Variants in QRICH2 observed in about 807,000 individuals in gnomAD.
The protein encoded by QRICH2 is glutamine-rich protein 2.
In QRICH2, 119 loss-of-function variants were observed where a neutral mutation model predicts 168.3. The observed-to-expected ratio is 0.71, with a 90% confidence interval of 0.61 to 0.82. The LOEUF is 0.82. QRICH2 is among the 40% of genes least tolerant of loss of function. The pLI is 0.00. For synonymous variants in QRICH2, 894 were observed against 951.2 expected (o/e 0.94, Z 1.11); for missense variants, 2,241 against 2,491.6 (o/e 0.90, Z 2.14).
chr17:76,287,086 AC>A (rs2070901065), intron 7 of QRICH2, 105 bp downstream of exon 7: 4 of 334,418 alleles, frequency 1.2e-5, no homozygotes, highest in Admixed American at 3.7e-5. Context: ...ACACACACAC[AC>A]ATGATGGGAG....
chr17:76,277,868 C>T, intron 15 of QRICH2, 121 bp downstream of exon 15: 4 of 1,082,730 alleles, frequency 3.7e-6, no homozygotes, highest in Non-Finnish European at 5.4e-6. Flanking sequence ...TTCTCTCACA[C>T]ACACACACTC....
chr17:76,285,006 G>A (rs1230160645), intron 7 of QRICH2, among the ~76,000 whole-genome samples: 6 of 150,000 alleles, frequency 4.0e-5, no homozygotes, highest in Admixed American at 6.6e-5. Context: ...CCAGGCTGGC[G>A]TCCAGTGGCG....
At position 76,280,294 on chromosome 17, in the gene QRICH2, T is replaced by A; in HGVS notation, c.4619A>T (p.Asp1540Val). The A allele has an allele frequency of 6.2e-7, 1 of 1,614,132 alleles. No individual in the cohort carries two copies. The highest frequency in any genetic ancestry group is 1.1e-5 in the South Asian group (1 of 91,082). The change falls in exon 11 of 19, where the codon GAC (aspartate) becomes GTC (valine). Residue 1540 changes from aspartate (D) to valine (V), a missense_variant. Asp to Val is a radical substitution (Grantham distance 152). This residue lies in a region of QRICH2 where 2,047 missense variants were observed against 2,303.8 expected (regional missense o/e 0.89). Transcript: ENST00000680821. The surrounding 1 kb of genome is among the most constrained non-coding windows in gnomAD (Gnocchi z 7.4). ...GCCATGCCCCTGCCTCACCTTGTTG[T>A]CCATCTCTGTGAGCAGCCTGTCCAG... The part of the protein sequence containing the change: ...KMLDRLLTEM[D>V]NKLDRLELDP...
At chr17:76,305,086 G>A (rs1244407290) in intron 1 of QRICH2, 145 bp from the exon 2 acceptor site, 2 of 680,294 alleles carry the variant, frequency 2.9e-6, no homozygotes, top group African/African-American at 3.6e-5. Flanking sequence ...CTCAGTGCCA[G>A]GAGACGAGGA....
intron 7 of QRICH2, among the ~76,000 whole-genome samples, chr17:76,284,168 C>CAAAAAAAAAAAAAAAAAAAAA (rs61553346): frequency 2.7e-4 from 17 of 62,748 alleles, no homozygotes; most frequent in African/African-American, 4.4e-4. Context: ...ACTCTGTCTC[C>CAAAAAAAAAAAAAAAAAAAAA]AAAAAAAAAA....
In QRICH2 at chr17:76,291,747, A is replaced by G. The variant is rs772774354; in HGVS notation, c.2980T>C (p.Phe994Leu). 2.5e-6 allele frequency: 4 copies of G among 1,614,074 alleles called. No homozygotes were observed. Among genetic ancestry groups the G allele is most frequent in the Non-Finnish European group, 3.4e-6 (4 of 1,180,038 alleles). Residue 994 changes from phenylalanine to leucine, a missense_variant, in exon 4 of 19, where the codon TTC (phenylalanine) becomes CTC (leucine). Transcript: ENST00000680821. ...ATAAAACCTGTAGAATCTGCCTGGAATGTTGAAGAGCCACGAAGCTTTGTG... is the reference window on the plus strand; with the variant it reads ...ATAAAACCTGTAGAATCTGCCTGGAGTGTTGAAGAGCCACGAAGCTTTGTG... ...PGTKLRGSST[F>L]QADSTGFISV...
chr17:76,287,173 A>C lies in QRICH2; in HGVS notation c.4011+19T>G, dbSNP rs2070904054. ...GAAGGGCCCTTGGTCCCTGGAGCTAAAGAGTGGGGAATCCTCACCTGGTCC... is the reference window on the plus strand; with the variant it reads ...GAAGGGCCCTTGGTCCCTGGAGCTACAGAGTGGGGAATCCTCACCTGGTCC... On this transcript the variant is annotated intron_variant, in intron 7 of 18. Coordinates refer to ENST00000680821, the MANE Select transcript of QRICH2 (RefSeq NM_001388453.1). 2 of 1,577,620 alleles carry C rather than the reference A, an allele frequency of 1.3e-6. No homozygotes were observed. Among genetic ancestry groups the C allele is most frequent in the East Asian group, 2.2e-5 (1 of 44,674 alleles).
chr17:76,297,498 C>A (rs1021745649), intron 3 of QRICH2, among the ~76,000 whole-genome samples: 17 of 142,346 alleles, frequency 1.2e-4, no homozygotes, highest in South Asian at 6.7e-4. Context: ...CACAGCAAGA[C>A]TCCATCTCAA....
chr17:76,286,256 C>A (rs1471984700), intron 7 of QRICH2, among the ~76,000 whole-genome samples: 3 of 152,016 alleles, frequency 2.0e-5, no homozygotes, highest in Admixed American at 2.0e-4. Flanking sequence ...AGATGTCTTT[C>A]AACTGATGAC....
intron 1 of QRICH2, 83 bp from the exon 2 acceptor site, chr17:76,305,024 C>A: frequency 1.2e-6 from 1 of 851,002 alleles, no homozygotes; most frequent in Non-Finnish European, 2.0e-6. Flanking sequence ...GATGCGCACA[C>A]ACACTCTCAC....
chr17:76,274,892 G>T (rs942357629), intron 18 of QRICH2, among the ~76,000 whole-genome samples: 1 of 152,210 alleles, frequency 6.6e-6, no homozygotes, highest in African/African-American at 2.4e-5. Context: ...CTAAGTGCTG[G>T]TACATAGATT....
intron 1 of QRICH2, among the ~76,000 whole-genome samples, chr17:76,306,407 C>G (rs2070992210): frequency 6.6e-6 from 1 of 152,110 alleles, no homozygotes; most frequent in African/African-American, 2.4e-5. Flanking sequence ...TGTCTCTCCT[C>G]TTGGCCTCCC....
At chr17:76,303,901 C>T (rs1291026647) in intron 3 of QRICH2, among the ~76,000 whole-genome samples, 1 of 148,960 alleles carries the variant, frequency 6.7e-6, no homozygotes, top group East Asian at 2.0e-4. Flanking sequence ...AAAGTCGCCA[C>T]CAGCAAAGGG....
upstream of QRICH2, chr17:76,308,346 CG>C: frequency 5.1e-6 from 5 of 985,352 alleles, no homozygotes; most frequent in Non-Finnish European, 6.0e-6. Context: ...GCCACGGGGG[CG>C]GGGGGAAGTA....
At position 76,280,741 on chromosome 17, in the gene QRICH2, A is replaced by G. The variant is rs1399120955; in HGVS notation, c.4387-13T>C. The G allele has an allele frequency of 6.2e-7, 1 of 1,614,138 alleles. No individual in the cohort carries two copies. Among genetic ancestry groups the G allele is most frequent in the East Asian group, 2.2e-5 (1 of 44,876 alleles). On this transcript the variant is annotated splice_polypyrimidine_tract_variant and intron_variant, in intron 9 of 18. Coordinates refer to ENST00000680821, the MANE Select transcript of QRICH2 (RefSeq NM_001388453.1). This position sits in a 1 kb window ranked among gnomAD's most constrained non-coding sequence, Gnocchi z 7.4. The stretch of plus-strand genomic sequence containing the variant: ...CCTGGTACAGCATCTGGGGAGGCCA[A>G]GTGAACAGAGAAAAAAAGAGCCAGC...
At chr17:76,308,362 C>A, upstream of QRICH2, 1 of 985,442 alleles carries the variant, frequency 1.0e-6, no homozygotes, top group Non-Finnish European at 1.2e-6. Flanking sequence ...GAAGTAAAGG[C>A]CACCACAAGG....
rs962992601 is a variant in QRICH2 at position 76,307,988 on chromosome 17, G to T, written c.11C>A (p.Ala4Glu). MPP[A>E]TTVSLRELAD... Reference sequence around the variant, plus strand: ...CAGCTCCCGGAGGGAGACCGTGGTCGCGGGCGGCATCGTGGCTGTCAGGAG... The same window carrying T: ...CAGCTCCCGGAGGGAGACCGTGGTCTCGGGCGGCATCGTGGCTGTCAGGAG... Residue 4 changes from alanine to glutamate, a missense_variant, in exon 1 of 19, where the codon GCG becomes GAG. Around this residue, in one of 3 missense-constraint regions of QRICH2, gnomAD observed 2,047 missense variants for 2,303.8 expected, o/e 0.89. Transcript: ENST00000680821. The surrounding 1 kb of genome is among the most constrained non-coding windows in gnomAD (Gnocchi z 5.3). 1.7e-5 allele frequency: 21 copies of T among 1,232,898 alleles called. No individual in the cohort carries two copies. The highest frequency in any genetic ancestry group is 2.1e-5 in the Non-Finnish European group (21 of 988,398). The allele number at this position is 1,232,898 out of a possible 1,614,324, so 76.4% of individuals were successfully genotyped here.
intron 3 of QRICH2, 86 bp from the exon 4 acceptor site, chr17:76,294,107 A>G (rs2071065532): frequency 1.3e-6 from 2 of 1,482,902 alleles, no homozygotes; most frequent in East Asian, 4.6e-5. Context: ...AGTTCTGACT[A>G]GGATGATTTA....
chr17:76,278,100 A>G lies in QRICH2; in HGVS notation c.5006T>C (p.Leu1669Pro). Residue 1669 changes from leucine to proline, a missense_variant, in exon 15 of 19, where the codon CTG (leucine) becomes CCG (proline). Physicochemically the swap from Leu to Pro is moderately conservative, Grantham distance 98. Transcript: ENST00000680821. ...GRLRSMHSKM[L>P]MNIEKVQIHF... ...GATCTGCACCTTCTCAATGTTCATC[A>G]GCATCTTGGAGTGCATGGAGCGCAG... 6.2e-7 allele frequency: 1 copy of G among 1,613,784 alleles called. No individual in the cohort carries two copies. The highest frequency in any genetic ancestry group is 8.5e-7 in the Non-Finnish European group (1 of 1,180,028).
Sources: gnomAD v4.1 joint callset for allele counts (sites outside exome capture counted in the v4.1 genomes callset) on GRCh38, gnomAD v4.1.1 for gene constraint, gnomAD v4.1.1 regional missense constraint, Gnocchi (gnomAD v3.1) non-coding constraint, MANE v1.5 for transcripts, NCBI Gene and HGNC (gene_info 2026-07-23, HGNC 2026-07-21) for gene names.